NALF1: variants seen among roughly 807,000 people sequenced by gnomAD.
NALF1 encodes family with sequence similarity 155 member A.
A neutral mutation model predicts 48.4 loss-of-function variants in NALF1; 3 were observed. That is an observed-to-expected ratio of 0.06 (90% CI 0.03 to 0.16). The LOEUF is 0.16. NALF1 is among the 10% of genes least tolerant of loss of function. The probability of loss-of-function intolerance (pLI) is 1.00; values close to 1 mark genes in which losing one functional copy is unlikely to be tolerated. For missense variants in NALF1, 526 were observed against 571.5 expected, an observed-to-expected ratio of 0.92 and a Z score of 0.81; for synonymous variants, 262 against 245.7, an observed-to-expected ratio of 1.07 and a Z score of -0.62.
chr13:107,403,659 A>C (rs185444194), intron 1 of NALF1, among the ~76,000 whole-genome samples: 487 of 152,126 alleles, frequency 3.2e-3, no homozygotes, highest in Non-Finnish European at 5.7e-3. Flanking sequence ...GTTTTAATAC[A>C]TGCTAAGCAC....
chr13:107,845,371 T>C (rs934391750), intron 1 of NALF1, among the ~76,000 whole-genome samples: 7 of 152,138 alleles, frequency 4.6e-5, no homozygotes, highest in African/African-American at 1.7e-4. Context: ...GTGTGTGCTG[T>C]GGAATGAGTC....
intron 1 of NALF1, among the ~76,000 whole-genome samples, chr13:107,768,060 C>A (rs769817430): frequency 6.6e-6 from 1 of 152,126 alleles, no homozygotes; most frequent in South Asian, 2.1e-4. Context: ...CAAACCTCAG[C>A]GCCCTCACTT....
intron 1 of NALF1, among the ~76,000 whole-genome samples, chr13:107,766,067 G>A (rs562503520): frequency 1.3e-5 from 2 of 152,136 alleles, no homozygotes; most frequent in South Asian, 2.1e-4. Context: ...TAGGTCCATC[G>A]AAGGCAACCA....
At chr13:107,712,503 A>T (rs1354414261) in intron 1 of NALF1, among the ~76,000 whole-genome samples, 1 of 152,198 alleles carries the variant, frequency 6.6e-6, no homozygotes, top group African/African-American at 2.4e-5. Flanking sequence ...AAGATTTACA[A>T]GCCACAGAGA....
At chr13:107,743,276 A>G (rs1433289314) in intron 1 of NALF1, among the ~76,000 whole-genome samples, 1 of 152,158 alleles carries the variant, frequency 6.6e-6, no homozygotes, top group East Asian at 1.9e-4. Flanking sequence ...GCAGTTTTGT[A>G]TAAGTGTGTA....
intron 1 of NALF1, among the ~76,000 whole-genome samples, chr13:107,694,797 C>CTTT (rs113861895): frequency 6.9e-6 from 1 of 144,312 alleles, no homozygotes; most frequent in African/African-American, 2.5e-5. Context: ...GAAGTCAGTT[C>CTTT]TTTTTTTTTT....
intron 1 of NALF1, among the ~76,000 whole-genome samples, chr13:107,670,175 T>C (rs1036999542): frequency 6.6e-6 from 1 of 152,110 alleles, no homozygotes; most frequent in South Asian, 2.1e-4. Flanking sequence ...GTGAATTCAT[T>C]ATACAGAAGA....
chr13:107,582,070 C>G (rs546480872), intron 1 of NALF1, among the ~76,000 whole-genome samples: 72 of 152,030 alleles, frequency 4.7e-4, no homozygotes, highest in Non-Finnish European at 6.6e-4. Context: ...GGTTGCTTAG[C>G]CAAAATCTCT....
intron 1 of NALF1, among the ~76,000 whole-genome samples, chr13:107,694,123 T>C (rs1881641219): frequency 2.6e-5 from 4 of 152,202 alleles, no homozygotes; most frequent in Non-Finnish European, 4.4e-5. Flanking sequence ...CAGGAAGCAG[T>C]ACTTGTTAGA....
intron 1 of NALF1, among the ~76,000 whole-genome samples, chr13:107,771,495 A>G (rs1212362178): frequency 1.3e-5 from 2 of 149,056 alleles, no homozygotes; most frequent in Non-Finnish European, 3.0e-5. Context: ...GATACAATAT[A>G]TAAAATCTAT....
intron 1 of NALF1, among the ~76,000 whole-genome samples, chr13:107,426,886 T>A (rs910314357): frequency 6.6e-6 from 1 of 152,084 alleles, no homozygotes; most frequent in African/African-American, 2.4e-5. Flanking sequence ...AATTTCAGGC[T>A]CTTGATATAA....
At chr13:107,172,476 A>G (rs1878827317) in intron 2 of NALF1, among the ~76,000 whole-genome samples, 2 of 152,176 alleles carry the variant, frequency 1.3e-5, no homozygotes, top group South Asian at 4.1e-4. Flanking sequence ...ATACACTTCA[A>G]TCTTCATTTT....
chr13:107,466,609 C>G (rs575562763), intron 1 of NALF1: 1 of 152,160 alleles, frequency 6.6e-6, no homozygotes, highest in Non-Finnish European at 1.5e-5. Context: ...CAACTGCCTT[C>G]GTCCTTGTGG....
Position 107,168,878 on chromosome 13 carries a change from A to C in NALF1, c.*1619T>G, listed in dbSNP as rs1182389141. On this transcript the variant is annotated 3_prime_UTR_variant, in exon 3 of 3. Transcript: ENST00000375915. Reference sequence around the variant, plus strand: ...TTCACTAAGAGGACCTTTTCTATGGATTTCCTTCATCTCTCAGTCACACTG... The same window carrying C: ...TTCACTAAGAGGACCTTTTCTATGGCTTTCCTTCATCTCTCAGTCACACTG... 5.2e-5 allele frequency: 8 copies of C among 152,592 alleles called. No homozygotes were observed. Among genetic ancestry groups the C allele is most frequent in the African/African-American group, 7.2e-5 (3 of 41,452 alleles). The allele number at this position is 152,592 out of a possible 1,614,324, so 9.5% of individuals were successfully genotyped here. A position where few individuals can be genotyped will look rare whatever the true frequency, so the allele number is the denominator to read the frequency against.
chr13:107,292,241 A>G (rs1186639373), intron 1 of NALF1, among the ~76,000 whole-genome samples: 5 of 152,138 alleles, frequency 3.3e-5, no homozygotes, highest in African/African-American at 4.8e-5. Context: ...TAAAAAATAG[A>G]AAAAAAACTG....
intron 1 of NALF1, among the ~76,000 whole-genome samples, chr13:107,555,480 A>T (rs1877441483): frequency 8.6e-6 from 1 of 116,586 alleles, no homozygotes; most frequent in African/African-American, 3.3e-5. Context: ...TTTTTAGTAG[A>T]GACGGGGTTT....
chr13:107,820,755 C>T (rs989475869), intron 1 of NALF1, among the ~76,000 whole-genome samples: 1 of 152,144 alleles, frequency 6.6e-6, no homozygotes, highest in Non-Finnish European at 1.5e-5. Flanking sequence ...CTGCTTACAG[C>T]GATTTTCCAG....
intron 1 of NALF1, among the ~76,000 whole-genome samples, chr13:107,693,340 G>GGGT (rs1881613228): frequency 7.6e-6 from 1 of 131,160 alleles, no homozygotes; most frequent in African/African-American, 2.7e-5. Flanking sequence ...GGGGGGGCGG[G>GGGT]AGGGATAGCA....
At chr13:107,321,506 A>C (rs1217889846) in intron 1 of NALF1, among the ~76,000 whole-genome samples, 4 of 152,170 alleles carry the variant, frequency 2.6e-5, no homozygotes, top group African/African-American at 9.6e-5. Context: ...CACTGATTTC[A>C]GGAATAATTA....
Sources: gnomAD v4.1 joint callset for allele counts (sites outside exome capture counted in the v4.1 genomes callset) on GRCh38, gnomAD v4.1.1 for gene constraint, MANE v1.5 for transcripts, NCBI Gene and HGNC (gene_info 2026-07-23, HGNC 2026-07-21) for gene names.